RALGAPA1: variants seen among roughly 807,000 people sequenced by gnomAD.
The protein encoded by RALGAPA1 is ral GTPase-activating protein subunit alpha-1.
Under a neutral mutation model 269.6 loss-of-function variants are expected in RALGAPA1, and 52 were observed. That is an observed-to-expected ratio of 0.19 (90% CI 0.15 to 0.24). The LOEUF (loss-of-function observed/expected upper bound fraction) is 0.24, where lower values mean the gene tolerates loss of function less well. Among genes scored for constraint, RALGAPA1 ranks in the 10% least tolerant of loss-of-function variants. RALGAPA1 has a pLI of 1.00. For missense variants in RALGAPA1, 1,917 were observed against 3,013.9 expected, an observed-to-expected ratio of 0.64 and a Z score of 8.52; for synonymous variants, 817 against 1,008.3, an observed-to-expected ratio of 0.81 and a Z score of 3.60.
At chr14:35,695,855 G>C (rs2066855242) in intron 17 of RALGAPA1, among the ~76,000 whole-genome samples, 1 of 152,114 alleles carries the variant, frequency 6.6e-6, no homozygotes, top group Non-Finnish European at 1.5e-5. Flanking sequence ...TGTCAGGCTG[G>C]GTTACCAAAT....
Position 35,617,566 on chromosome 14 carries a change from C to T in RALGAPA1, c.6929+7795G>A, listed in dbSNP as rs538389255. On this transcript the variant is annotated intron_variant, in intron 35 of 41. Transcript: ENST00000680220. ...CCCGAAGGCGGAGGTTGCAGTGAGC[C>T]GTTATCATGTCATTGAACTCCAGCC... Among the ~76,000 whole-genome samples the T allele has an allele frequency of 2.1e-4, 28 of 134,476 alleles. No individual in the cohort carries two copies. In the South Asian group the frequency reaches 5.6e-3, roughly 27 times the overall value. The allele number at this position is 134,476 out of a possible 152,430, so 88.2% of individuals were successfully genotyped here.
At chr14:35,761,111 A>C (rs763693038) in intron 5 of RALGAPA1, 105 bp from the exon 6 acceptor site, 27 of 784,932 alleles carry the variant, frequency 3.4e-5, no homozygotes, top group Non-Finnish European at 4.8e-5. Flanking sequence ...GATACTTTCG[A>C]GAGGCAGGGT....
intron 41 of RALGAPA1, among the ~76,000 whole-genome samples, chr14:35,545,134 A>G (rs1288517565): frequency 1.3e-5 from 2 of 152,240 alleles, no homozygotes; most frequent in African/African-American, 4.8e-5. Context: ...AATATTTAAG[A>G]TATTTATAAA....
intron 1 of RALGAPA1, among the ~76,000 whole-genome samples, chr14:35,797,147 G>A (rs2141867863): frequency 6.6e-6 from 1 of 151,954 alleles, no homozygotes; most frequent in Non-Finnish European, 1.5e-5. Flanking sequence ...AAGGCCAAGA[G>A]ATCAAAACCA....
At chr14:35,637,052 A>G (rs1432582567) in intron 31 of RALGAPA1, among the ~76,000 whole-genome samples, 2 of 152,194 alleles carry the variant, frequency 1.3e-5, no homozygotes, top group Non-Finnish European at 2.9e-5. Context: ...TAGTGAGTAA[A>G]AAGAAAGGAT....
At chr14:35,690,034 G>A in intron 17 of RALGAPA1, 31 bp from the exon 18 acceptor site, 2 of 1,366,934 alleles carry the variant, frequency 1.5e-6, no homozygotes, top group Non-Finnish European at 2.0e-6. Context: ...ATGTAGAGAA[G>A]AACTACACAA....
At chr14:35,758,930 T>A (rs889130044) in intron 6 of RALGAPA1, among the ~76,000 whole-genome samples, 1 of 151,984 alleles carries the variant, frequency 6.6e-6, no homozygotes, top group African/African-American at 2.4e-5. Context: ...CCAGGCAACA[T>A]AGCAAGACCC....
At chr14:35,774,228 T>A (rs2074856597) in intron 3 of RALGAPA1, among the ~76,000 whole-genome samples, 1 of 152,166 alleles carries the variant, frequency 6.6e-6, no homozygotes, top group Non-Finnish European at 1.5e-5. Context: ...GAGTGAATTA[T>A]CTTTAATTAG....
rs1441602196 is a variant in RALGAPA1, at chr14:35,538,641, T to A, written c.*1073A>T. 1 of 152,488 alleles carries A rather than the reference T, an allele frequency of 6.6e-6. No individual in the cohort carries two copies. Among genetic ancestry groups the A allele is most frequent in the Non-Finnish European group, 1.5e-5 (1 of 68,038 alleles). The allele number at this position is 152,488 out of a possible 1,614,324, so 9.4% of individuals were successfully genotyped here. A position where few individuals can be genotyped will look rare whatever the true frequency, so the allele number is the denominator to read the frequency against. Reference sequence around the variant, plus strand: ...CCTGCAAGTTCAGTATTAACAATATTAGATTTAACTTAGACTCCTGGGTTA... The same window carrying A: ...CCTGCAAGTTCAGTATTAACAATATAAGATTTAACTTAGACTCCTGGGTTA... On this transcript the variant is annotated 3_prime_UTR_variant, in exon 42 of 42. Coordinates refer to ENST00000680220, the MANE Select transcript of RALGAPA1 (RefSeq NM_001346249.2).
chr14:35,552,173 G>C (rs961584630), intron 39 of RALGAPA1, among the ~76,000 whole-genome samples: 1 of 149,448 alleles, frequency 6.7e-6, no homozygotes, highest in Non-Finnish European at 1.5e-5. Flanking sequence ...ATCCCCCCCC[G>C]GCCCCCGCTT....
intron 37 of RALGAPA1, among the ~76,000 whole-genome samples, chr14:35,577,583 T>C (rs2057660626): frequency 6.6e-6 from 1 of 152,178 alleles, no homozygotes; most frequent in Admixed American, 6.5e-5. Flanking sequence ...ATTCAGTCTA[T>C]GGTATTTTTG....
Position 35,725,046 on chromosome 14 carries a change from C to T in RALGAPA1, c.1844G>A (p.Arg615Gln), listed in dbSNP as rs1182580944. 4.4e-6 allele frequency: 7 copies of T among 1,597,280 alleles called. No individual in the cohort carries two copies. The highest frequency in any genetic ancestry group is 2.7e-5 in the African/African-American group (2 of 74,196). ...TGCCTGGAAAAGTGGTCCTGCAAGT[C>T]GACCTGCCAAGGTCATATTTTTTTT... The part of the protein sequence containing the change: ...QGKKNMTLAG[R>Q]LAGPLFQTLI... The change falls in exon 14 of 42, where the codon CGA becomes CAA. Residue 615 changes from arginine to glutamine, a missense_variant. Arg to Gln is a conservative substitution (Grantham distance 43, BLOSUM62 1). Transcript: ENST00000680220.
At chr14:35,597,542 AT>A (rs763150146) in intron 36 of RALGAPA1, among the ~76,000 whole-genome samples, 6 of 152,296 alleles carry the variant, frequency 3.9e-5, no homozygotes, top group Non-Finnish European at 8.8e-5. Flanking sequence ...AATGAAAAAA[AT>A]AAAAAGAAAT....
At chr14:35,772,851 G>C (rs187624562) in intron 3 of RALGAPA1, among the ~76,000 whole-genome samples, 1 of 152,214 alleles carries the variant, frequency 6.6e-6, no homozygotes, top group African/African-American at 2.4e-5. Flanking sequence ...CTGCTCAAAT[G>C]ATGACATGCA....
intron 5 of RALGAPA1, among the ~76,000 whole-genome samples, chr14:35,761,840 A>G (rs575663987): frequency 6.6e-5 from 10 of 152,276 alleles, no homozygotes; most frequent in Middle Eastern, 3.4e-3. Flanking sequence ...TGTTACTTTC[A>G]TGGTTCAGCC....
chr14:35,661,032 G>A (rs1052855821), intron 27 of RALGAPA1, among the ~76,000 whole-genome samples: 8 of 152,112 alleles, frequency 5.3e-5, no homozygotes, highest in Non-Finnish European at 1.0e-4. Context: ...AAATTCTGGA[G>A]ACTTAATGTA....
intron 1 of RALGAPA1, 48 bp downstream of exon 1, chr14:35,808,682 G>C (rs754920823): frequency 3.2e-6 from 5 of 1,566,652 alleles, no homozygotes; most frequent in Non-Finnish European, 4.3e-6. Flanking sequence ...CCAGGAGAGG[G>C]AAGGCCGGGC....
rs530576211 is a variant in RALGAPA1 at position 35,797,351 on chromosome 14, CAAAA to C, written c.106+11375_106+11378del. Among the ~76,000 whole-genome samples the C allele has an allele frequency of 8.3e-4, 50 of 60,124 alleles. 3 individuals carry two copies. Among genetic ancestry groups the C allele is most frequent in the East Asian group, 3.4e-3 (6 of 1,780 alleles). The allele number at this position is 60,124 out of a possible 152,430, so 39.4% of individuals were successfully genotyped here. The stretch of plus-strand genomic sequence containing the variant: ...CTGGTGACAGAGCGAGACTCCGTCT[CAAAA>C]AAAAAAAAAAAAAGATGCCAAAGTA... On this transcript the variant is annotated intron_variant, in intron 1 of 41. Coordinates refer to ENST00000680220, the MANE Select transcript of RALGAPA1 (RefSeq NM_001346249.2).
intron 16 of RALGAPA1, among the ~76,000 whole-genome samples, chr14:35,711,629 T>G (rs941877624): frequency 2.0e-5 from 3 of 152,064 alleles, no homozygotes; most frequent in Non-Finnish European, 2.9e-5. Context: ...TTGATTTTTT[T>G]TGTAGAGACA....
Sources: allele counts gnomAD v4.1 joint callset (sites outside exome capture counted in the v4.1 genomes callset), GRCh38; gene constraint gnomAD v4.1.1; transcripts MANE v1.5; gene names NCBI Gene and HGNC (gene_info 2026-07-23, HGNC 2026-07-21).